ANK3: variants seen among roughly 807,000 people sequenced by gnomAD.
ANK3 encodes the protein ankyrin 3.
In ANK3, 57 loss-of-function variants were observed where a neutral mutation model predicts 370.9. That is an observed-to-expected ratio of 0.15 (90% CI 0.12 to 0.19). The LOEUF (loss-of-function observed/expected upper bound fraction) is 0.19, where lower values mean the gene tolerates loss of function less well. ANK3 is among the 10% of genes least tolerant of loss of function. ANK3 has a pLI of 1.00. For synonymous variants in ANK3, 1,929 were observed against 1,946.3 expected (o/e 0.99, Z 0.23); for missense variants, 4,439 against 5,302.1 (o/e 0.84, Z 5.06).
chr10:60,540,675 C>A (rs940201871), intron 2 of ANK3, among the ~76,000 whole-genome samples: 1 of 151,862 alleles, frequency 6.6e-6, no homozygotes, highest in Non-Finnish European at 1.5e-5. Flanking sequence ...ACACAAAGGA[C>A]GGTTTAGAAT....
intron 1 of ANK3, among the ~76,000 whole-genome samples, chr10:60,336,572 T>G (rs913737672): frequency 4.2e-4 from 54 of 129,578 alleles, no homozygotes; most frequent in African/African-American, 1.4e-3. Flanking sequence ...GAGATCTATC[T>G]ATCTATCTAT....
At chr10:60,336,869 G>T (rs2053088287) in intron 1 of ANK3, among the ~76,000 whole-genome samples, 1 of 152,160 alleles carries the variant, frequency 6.6e-6, no homozygotes, top group Non-Finnish European at 1.5e-5. Flanking sequence ...TCGTCCCTCG[G>T]ACCATTTTGT....
intron 43 of ANK3, among the ~76,000 whole-genome samples, chr10:60,031,560 C>G (rs932171467): frequency 6.6e-6 from 1 of 152,180 alleles, no homozygotes; most frequent in African/African-American, 2.4e-5. Context: ...CTATAGAAAT[C>G]CTGAGTAAGG....
intron 1 of ANK3, among the ~76,000 whole-genome samples, chr10:60,679,249 T>C (rs2079163264): frequency 6.6e-6 from 1 of 152,132 alleles, no homozygotes; most frequent in Non-Finnish European, 1.5e-5. Flanking sequence ...GAGATACTGT[T>C]ACAGTACGTA....
At chr10:60,180,952 C>T (rs1393208148) in intron 18 of ANK3, among the ~76,000 whole-genome samples, 8 of 152,162 alleles carry the variant, frequency 5.3e-5, no homozygotes, top group Admixed American at 1.3e-4. Flanking sequence ...GCTGAACGAA[C>T]GTAGAGGTCA....
chr10:60,387,017 G>A (rs954032962), intron 1 of ANK3, among the ~76,000 whole-genome samples: 10 of 152,014 alleles, frequency 6.6e-5, no homozygotes, highest in Non-Finnish European at 1.5e-4. Context: ...AAAATTAGCC[G>A]GGCAGGGTGG....
At chr10:60,146,916 A>G (rs570483041) in intron 23 of ANK3, among the ~76,000 whole-genome samples, 1 of 152,350 alleles carries the variant, frequency 6.6e-6, no homozygotes, top group East Asian at 1.9e-4. Context: ...AGGAGTAAGA[A>G]AAAGAAATAT....
intron 1 of ANK3, chr10:60,300,460 T>C: frequency 7.8e-7 from 1 of 1,284,288 alleles, no homozygotes; most frequent in South Asian, 1.2e-5. Context: ...TTTCCCCCAC[T>C]TCCTAGGAAG....
At chr10:60,315,910 T>C (rs2047315647) in intron 1 of ANK3, among the ~76,000 whole-genome samples, 2 of 152,194 alleles carry the variant, frequency 1.3e-5, no homozygotes, top group Non-Finnish European at 2.9e-5. Context: ...TAATTCAGTG[T>C]ATTCTGATGG....
intron 32 of ANK3, chr10:60,083,875 T>G (rs2085941663): frequency 3.3e-6 from 1 of 298,694 alleles, no homozygotes; most frequent in South Asian, 1.0e-4. Flanking sequence ...TTAAAAATAT[T>G]TAAGAATGTG....
chr10:60,044,124 T>C (rs2076567790), intron 42 of ANK3: 1 of 985,682 alleles, frequency 1.0e-6, no homozygotes. Flanking sequence ...CTTAATACTT[T>C]CCGAGTGATC....
intron 2 of ANK3, among the ~76,000 whole-genome samples, chr10:60,480,930 A>G (rs1258674281): frequency 6.6e-6 from 1 of 152,148 alleles, no homozygotes; most frequent in African/African-American, 2.4e-5. Flanking sequence ...ATACATCAGC[A>G]TCTTGTAAAT....
At chr10:60,660,202 T>A (rs1484116592) in intron 1 of ANK3, among the ~76,000 whole-genome samples, 1 of 152,190 alleles carries the variant, frequency 6.6e-6, no homozygotes, top group Non-Finnish European at 1.5e-5. Flanking sequence ...TTCAACGTCC[T>A]ATTCACTGAA....
At chr10:60,335,429 G>A (rs2052590357) in intron 1 of ANK3, among the ~76,000 whole-genome samples, 1 of 151,934 alleles carries the variant, frequency 6.6e-6, no homozygotes, top group Admixed American at 6.6e-5. Context: ...TTCTTTTCTA[G>A]ACCATCTATA....
intron 7 of ANK3, among the ~76,000 whole-genome samples, chr10:60,249,724 C>CT (rs1455506422): frequency 9.9e-5 from 15 of 152,216 alleles, no homozygotes; most frequent in African/African-American, 3.4e-4. Context: ...GGAGCTGGAG[C>CT]TACTCTTCTA....
At chr10:60,335,101 G>A (rs759878021) in intron 1 of ANK3, among the ~76,000 whole-genome samples, 1 of 152,054 alleles carries the variant, frequency 6.6e-6, no homozygotes. Flanking sequence ...ATGTGCATGC[G>A]TGTGTATGTC....
intron 2 of ANK3, among the ~76,000 whole-genome samples, chr10:60,556,042 G>A (rs1219171495): frequency 3.9e-5 from 6 of 152,204 alleles, no homozygotes; most frequent in African/African-American, 1.4e-4. Flanking sequence ...GCAGTTGTCA[G>A]TCATAGCCCA....
chr10:60,437,288 G>T (rs909296961), intron 2 of ANK3, among the ~76,000 whole-genome samples: 4 of 152,074 alleles, frequency 2.6e-5, no homozygotes, highest in African/African-American at 9.7e-5. Context: ...TTTTATGAAG[G>T]ATTAAAAAAA....
chr10:60,626,848 C>G (rs1280568265), intron 1 of ANK3, among the ~76,000 whole-genome samples: 1 of 152,116 alleles, frequency 6.6e-6, no homozygotes, highest in Non-Finnish European at 1.5e-5. Context: ...GTATAATACT[C>G]AAGTTGAAAT....
Sources: gnomAD v4.1 joint callset for allele counts (sites outside exome capture counted in the v4.1 genomes callset) on GRCh38, gnomAD v4.1.1 for gene constraint, MANE v1.5 for transcripts, NCBI Gene and HGNC (gene_info 2026-07-23, HGNC 2026-07-21) for gene names.